CPED1: variants seen among roughly 807,000 people sequenced by gnomAD.
CPED1 encodes the protein cadherin-like and PC-esterase domain-containing protein 1.
A neutral mutation model predicts 128.2 loss-of-function variants in CPED1; 114 were observed. That is an observed-to-expected ratio of 0.89 (90% CI 0.76 to 1.04). The LOEUF (loss-of-function observed/expected upper bound fraction) is 1.04. Ranked by LOEUF, CPED1 falls within the 50% of genes least tolerant of loss-of-function variation. CPED1 has a pLI of 0.00. For missense variants in CPED1, 1,211 were observed against 1,207.1 expected, an observed-to-expected ratio of 1.00 and a Z score of -0.05; for synonymous variants, 462 against 426.7, an observed-to-expected ratio of 1.08 and a Z score of -1.02.
At chr7:121,265,855 G>A (rs913600003) in intron 18 of CPED1, among the ~76,000 whole-genome samples, 2 of 152,038 alleles carry the variant, frequency 1.3e-5, no homozygotes, top group East Asian at 1.9e-4. Context: ...GTAAAATAAA[G>A]AGATTGGAAA....
chr7:121,176,622 G>A lies in CPED1; in HGVS notation c.2055+34481G>A, dbSNP rs1796784848. 2.0e-5 allele frequency among the ~76,000 whole-genome samples: 3 copies of A among 152,022 alleles called. No individual in the cohort carries two copies. In the South Asian group the frequency reaches 6.2e-4, roughly 32 times the overall value. On this transcript the variant is annotated intron_variant, in intron 16 of 22. Coordinates refer to ENST00000310396, the MANE Select transcript of CPED1 (RefSeq NM_024913.5). ...GTCCACAGGGAAAGGTGAACGTCATGACAATAGCTCAAAAATATCTGAAAG... is the reference window on the plus strand; with the variant it reads ...GTCCACAGGGAAAGGTGAACGTCATAACAATAGCTCAAAAATATCTGAAAG...
At chr7:121,237,884 G>T (rs1040418337) in intron 17 of CPED1, among the ~76,000 whole-genome samples, 1 of 152,114 alleles carries the variant, frequency 6.6e-6, no homozygotes, top group Non-Finnish European at 1.5e-5. Context: ...ATAAATTACA[G>T]TCAGGGAATA....
At position 121,065,767 on chromosome 7, in the gene CPED1, G is replaced by A. The variant is rs766735113; in HGVS notation, c.616+1454G>A. 4.6e-5 allele frequency among the ~76,000 whole-genome samples: 7 copies of A among 151,872 alleles called. No homozygotes were observed. The South Asian group carries it at 1.0e-3, about 23-fold the overall frequency. On this transcript the variant is annotated intron_variant, in intron 5 of 22. Transcript: ENST00000310396. ...TGCTTCAAACATTTTTTTTATTCTC[G>A]AGAACATCTAAGTTCTAGGCATTTG...
At position 121,241,139 on chromosome 7, in the gene CPED1, C is replaced by T. The variant is rs1335879163; in HGVS notation, c.2174-3063C>T. On this transcript the variant is annotated intron_variant, in intron 17 of 22. Transcript: ENST00000310396. ...CGGGCGGATCACGAGGTCAGGAGAT[C>T]GAGACCATCCCGGCTAAAACGGTGA... is the stretch of plus-strand genomic sequence containing the variant. Among the ~76,000 whole-genome samples, 2 of 54,364 alleles carry T rather than the reference C, an allele frequency of 3.7e-5. 1 individual carries two copies. Among genetic ancestry groups the T allele is most frequent in the Non-Finnish European group, 8.6e-5 (2 of 23,168 alleles). 35.7% of individuals were successfully genotyped at this position (54,364 alleles called of 152,430 possible).
intron 4 of CPED1, among the ~76,000 whole-genome samples, chr7:121,048,127 C>T (rs1272108340): frequency 6.6e-6 from 1 of 152,142 alleles, no homozygotes. Flanking sequence ...TGTTCCCTAA[C>T]TCCAATCCTG....
intron 6 of CPED1, among the ~76,000 whole-genome samples, chr7:121,098,309 G>T (rs1014952413): frequency 1.3e-5 from 2 of 151,938 alleles, no homozygotes; most frequent in Admixed American, 1.3e-4. Context: ...AAATTAAGAG[G>T]TTTTAATTAT....
chr7:121,294,527 T>C (rs1403121231), intron 22 of CPED1, among the ~76,000 whole-genome samples: 2 of 152,040 alleles, frequency 1.3e-5, no homozygotes, highest in African/African-American at 4.8e-5. Context: ...GTGTCTCAGG[T>C]GGCAGCAAAA....
intron 2 of CPED1, among the ~76,000 whole-genome samples, chr7:120,996,672 CT>C (rs1355040942): frequency 6.6e-6 from 1 of 152,128 alleles, no homozygotes; most frequent in East Asian, 1.9e-4. Context: ...GAGCACAGCC[CT>C]TATGGCTATG....
At chr7:120,996,908 C>G (rs1030394807) in intron 2 of CPED1, among the ~76,000 whole-genome samples, 1 of 152,198 alleles carries the variant, frequency 6.6e-6, no homozygotes, top group Non-Finnish European at 1.5e-5. Flanking sequence ...GGAGTTGTAA[C>G]GTTGAGCGCA....
intron 3 of CPED1, among the ~76,000 whole-genome samples, chr7:121,026,716 G>C (rs1000938994): frequency 2.0e-5 from 3 of 151,218 alleles, no homozygotes; most frequent in African/African-American, 7.3e-5. Context: ...CATGGCTAGG[G>C]AGGATAACCA....
intron 16 of CPED1, among the ~76,000 whole-genome samples, chr7:121,164,365 C>T (rs189342049): frequency 1.2e-3 from 182 of 152,318 alleles, no homozygotes; most frequent in Non-Finnish European, 2.4e-3. Flanking sequence ...ATCCCCTCCC[C>T]GAAAGACAGT....
intron 3 of CPED1, among the ~76,000 whole-genome samples, chr7:121,020,937 G>A (rs1260558530): frequency 2.0e-5 from 3 of 151,936 alleles, no homozygotes. Context: ...AAATAAAGTA[G>A]ATGTCATATC....
intron 2 of CPED1, chr7:120,994,006 C>T (rs1261144734): frequency 3.5e-6 from 1 of 282,938 alleles, no homozygotes; most frequent in South Asian, 2.8e-5. Context: ...TCAATCAGTA[C>T]TGTGAGTAGG....
At chr7:121,127,315 C>A in intron 10 of CPED1, 58 bp downstream of exon 10, 3 of 1,086,040 alleles carry the variant, frequency 2.8e-6, no homozygotes, top group East Asian at 2.5e-5. Context: ...TAGAAGGTGT[C>A]ATTCTCCTTA....
At chr7:121,210,207 G>A (rs781717151) in intron 16 of CPED1, among the ~76,000 whole-genome samples, 6 of 151,986 alleles carry the variant, frequency 3.9e-5, no homozygotes, top group Non-Finnish European at 8.8e-5. Context: ...TATGCTGTTG[G>A]TGGGAATGTA....
chr7:121,083,583 G>A (rs1250442173), intron 5 of CPED1: 2 of 152,256 alleles, frequency 1.3e-5, no homozygotes, highest in African/African-American at 4.8e-5. Flanking sequence ...TTCAGAATGA[G>A]TAATTGCTTT....
chr7:121,007,400 A>G (rs1792050153), intron 2 of CPED1, among the ~76,000 whole-genome samples: 1 of 152,132 alleles, frequency 6.6e-6, no homozygotes, highest in Non-Finnish European at 1.5e-5. Context: ...GAGGTTACCC[A>G]GGAATTCTCA....
At chr7:121,124,216 T>G (rs1407366334) in intron 7 of CPED1, 115 bp from the exon 8 acceptor site, 2 of 819,082 alleles carry the variant, frequency 2.4e-6, no homozygotes, top group African/African-American at 1.8e-5. Context: ...GAGGGTGGGG[T>G]TTGGGTGTGA....
chr7:121,109,549 T>G (rs185182056), intron 7 of CPED1, among the ~76,000 whole-genome samples: 93 of 152,294 alleles, frequency 6.1e-4, no homozygotes, highest in African/African-American at 2.0e-3. Flanking sequence ...TACATCAGCT[T>G]CTTCTTATTT....
Sources: allele counts gnomAD v4.1 joint callset (sites outside exome capture counted in the v4.1 genomes callset), GRCh38; gene constraint gnomAD v4.1.1; transcripts MANE v1.5; gene names NCBI Gene and HGNC (gene_info 2026-07-23, HGNC 2026-07-21).